Variants in PXN observed in about 807,000 individuals in gnomAD.
The protein encoded by PXN is testicular tissue protein Li 134.
In PXN, 61 loss-of-function variants were observed where a neutral mutation model predicts 103.6. The observed-to-expected ratio is 0.59, with a 90% CI of 0.48 to 0.73. The LOEUF is 0.73. PXN is among the 30% of genes least tolerant of loss of function. The pLI, the probability that PXN is intolerant of heterozygous loss-of-function variation, is 0.00. For synonymous variants in PXN, 562 were observed against 607.8 expected (o/e 0.92, Z 1.11); for missense variants, 1,274 against 1,460.3 (o/e 0.87, Z 2.08).
chr12:120,262,815 C>T (rs1894080435), intron 1 of PXN, among the ~76,000 whole-genome samples: 1 of 152,128 alleles, frequency 6.6e-6, no homozygotes, highest in African/African-American at 2.4e-5. Flanking sequence ...CTGGGCCAAA[C>T]CAGCATCTAA....
At chr12:120,235,433 G>A (rs1022633786) in intron 1 of PXN, among the ~76,000 whole-genome samples, 2 of 152,162 alleles carry the variant, frequency 1.3e-5, no homozygotes, top group South Asian at 4.2e-4. Flanking sequence ...ACCCAGAGCC[G>A]CCCCATAAGG....
rs1882805812 is a variant in PXN, at chr12:120,215,959, G to C, written c.2302-298C>G. ...CGCTGGGCCTGGGGGCTGGAAGGGA[G>C]GAGACAGGTTTCTGGTCTCCCTTCT... On this transcript the variant is annotated intron_variant, in intron 9 of 14. Coordinates refer to ENST00000637617, the MANE Select transcript of PXN (RefSeq NM_001385981.1). This position sits in a 1 kb window ranked among gnomAD's most constrained non-coding sequence, Gnocchi z 4.9. 7.2e-7 allele frequency: 1 copy of C among 1,385,076 alleles called. No individual in the cohort carries two copies. The highest frequency in any genetic ancestry group is 9.3e-7 in the Non-Finnish European group (1 of 1,070,474). The allele number at this position is 1,385,076 out of a possible 1,614,324, so 85.8% of individuals were successfully genotyped here. A position where few individuals can be genotyped will look rare whatever the true frequency, so the allele number is the denominator to read the frequency against.
At chr12:120,256,698 T>A (rs1893067409) in intron 1 of PXN, among the ~76,000 whole-genome samples, 1 of 152,110 alleles carries the variant, frequency 6.6e-6, no homozygotes, top group African/African-American at 2.4e-5. Flanking sequence ...CATAGCCTGC[T>A]TTCAATAGGG....
chr12:120,219,927 A>G lies in PXN; in HGVS notation c.996T>C (p.Cys332=). ...RGQGHTPEFP[C]TEQSGRGLLP... is the part of the protein sequence containing the mutation. Reference sequence around the variant, plus strand: ...GAAGGCCTCGTCCACTCTGCTCAGTACAAGGGAACTCCGGAGTGTGGCCCT... The same window carrying G: ...GAAGGCCTCGTCCACTCTGCTCAGTGCAAGGGAACTCCGGAGTGTGGCCCT... Residue 332 remains cysteine, a synonymous_variant, in exon 7 of 15, where the codon TGT becomes TGC. Coordinates refer to ENST00000637617, the MANE Select transcript of PXN (RefSeq NM_001385981.1). The surrounding 1 kb of genome is among the most constrained non-coding windows in gnomAD (Gnocchi z 6.5). 3 of 1,597,830 alleles carry G rather than the reference A, an allele frequency of 1.9e-6. No individual in the cohort carries two copies. Among genetic ancestry groups the G allele is most frequent in the Non-Finnish European group, 2.5e-6 (3 of 1,179,262 alleles).
In PXN at chr12:120,224,150, C is replaced by A; in HGVS notation, c.240+1G>T. On this transcript the variant is annotated splice_donor_variant, in intron 2 of 14. Coordinates refer to ENST00000637617, the MANE Select transcript of PXN (RefSeq NM_001385981.1). LOFTEE classifies it high-confidence loss of function. The surrounding 1 kb of genome is among the most constrained non-coding windows in gnomAD (Gnocchi z 5.0). ...CTTCCCAGCCACTGTCCCCGCCTCA[C>A]CTGCTGGTGGATGAATCGGGAGCTG... The A allele has an allele frequency of 1.9e-6, 3 of 1,567,338 alleles. No individual in the cohort carries two copies. The highest frequency in any genetic ancestry group is 2.6e-6 in the Non-Finnish European group (3 of 1,154,790).
At position 120,216,460 on chromosome 12, in the gene PXN, G is replaced by C. The variant is rs902767711; in HGVS notation, c.2114C>G (p.Pro705Arg). 2.2e-6 allele frequency: 3 copies of C among 1,384,208 alleles called. No individual in the cohort carries two copies. In the Admixed American group the frequency reaches 1.1e-4, roughly 50 times the overall value. 85.7% of individuals were successfully genotyped at this position (1,384,208 alleles called of 1,614,324 possible). Residue 705 changes from proline to arginine, a missense_variant, in exon 9 of 15, where the codon CCC becomes CGC. Physicochemically the swap from Pro to Arg is moderately radical, Grantham distance 103. Coordinates refer to ENST00000637617, the MANE Select transcript of PXN (RefSeq NM_001385981.1). The surrounding 1 kb of genome is among the most constrained non-coding windows in gnomAD (Gnocchi z 5.1). ...CAGGGGGGAGGAGGCGAGCAGGCTGGGCAGGGGAGAAGAGCTGCTGGCCGC... is the reference window on the plus strand; with the variant it reads ...CAGGGGGGAGGAGGCGAGCAGGCTGCGCAGGGGAGAAGAGCTGCTGGCCGC... ...DAAASSSSPLPSLLASSPLGP... is the reference protein window; with the variant it reads ...DAAASSSSPLRSLLASSPLGP...
At chr12:120,260,860 G>A (rs914988022) in intron 1 of PXN, among the ~76,000 whole-genome samples, 6 of 152,134 alleles carry the variant, frequency 3.9e-5, no homozygotes, top group African/African-American at 9.7e-5. Context: ...CTAGCTACTC[G>A]GGAGGCTGAG....
rs1887484644 is a variant in PXN at position 120,229,034 on chromosome 12, TCC to T, written c.14-4659_14-4658del. 6.6e-6 allele frequency among the ~76,000 whole-genome samples: 1 copy of T among 152,048 alleles called. No individual in the cohort carries two copies. Among genetic ancestry groups the T allele is most frequent in the South Asian group, 2.1e-4 (1 of 4,828 alleles). On this transcript the variant is annotated intron_variant, in intron 1 of 14. Transcript: ENST00000637617. The surrounding 1 kb of genome is among the most constrained non-coding windows in gnomAD (Gnocchi z 4.0). ...GGTACAGACACCCTCAGCCCACTGC[TCC>T]GAGGAGGAGGGGACCGGTTCGCCTG...
chr12:120,255,178 G>A (rs750285241), intron 1 of PXN, among the ~76,000 whole-genome samples: 2 of 152,192 alleles, frequency 1.3e-5, no homozygotes, highest in Non-Finnish European at 2.9e-5. Flanking sequence ...TTAACTGACC[G>A]AGGTGCATAG....
chr12:120,230,440 T>C (rs911256497), intron 1 of PXN, among the ~76,000 whole-genome samples: 1 of 152,138 alleles, frequency 6.6e-6, no homozygotes, highest in Non-Finnish European at 1.5e-5. Context: ...GCTCTGAGTG[T>C]CAGAGAAGCT....
intron 1 of PXN, among the ~76,000 whole-genome samples, chr12:120,258,860 G>A (rs906904963): frequency 6.6e-6 from 1 of 151,866 alleles, no homozygotes; most frequent in Non-Finnish European, 1.5e-5. Context: ...GGGAGTTTGA[G>A]ACCAGCCTGA....
chr12:120,243,934 T>C (rs1890600509), intron 1 of PXN, among the ~76,000 whole-genome samples: 1 of 152,006 alleles, frequency 6.6e-6, no homozygotes, highest in South Asian at 2.1e-4. Flanking sequence ...ATCTGAGCAT[T>C]GGGCAGAGCC....
chr12:120,235,489 TTCCCAGGATGC>T (rs1888865887), intron 1 of PXN, among the ~76,000 whole-genome samples: 2 of 152,218 alleles, frequency 1.3e-5, no homozygotes, highest in South Asian at 4.1e-4. Context: ...ACCCATGTTC[TTCCCAGGATGC>T]CCCACAAGGA....
In PXN at chr12:120,225,078, C is replaced by G. The variant is rs1257119389; in HGVS notation, c.14-701G>C. On this transcript the variant is annotated intron_variant, in intron 1 of 14. Coordinates refer to ENST00000637617, the MANE Select transcript of PXN (RefSeq NM_001385981.1). The surrounding 1 kb of genome is among the most constrained non-coding windows in gnomAD (Gnocchi z 4.4). ...CCCGGCCCCAGAGGCTCCAGGCCCC[C>G]ACTGTTCTGCTTTTAACAGCGGCAA... 3 of 248,642 alleles carry G rather than the reference C, an allele frequency of 1.2e-5. No individual in the cohort carries two copies. Among genetic ancestry groups the G allele is most frequent in the South Asian group, 4.4e-5 (1 of 22,976 alleles). The allele number at this position is 248,642 out of a possible 1,614,324, so 15.4% of individuals were successfully genotyped here.
chr12:120,234,797 T>C (rs1438471143), intron 1 of PXN, among the ~76,000 whole-genome samples: 1 of 152,082 alleles, frequency 6.6e-6, no homozygotes, highest in African/African-American at 2.4e-5. Context: ...TGGGATAAAA[T>C]AAACGTAAGC....
Position 120,214,344 on chromosome 12 carries a change from G to A in PXN, c.2749-127C>T. 1 of 788,224 alleles carries A rather than the reference G, an allele frequency of 1.3e-6. No individual in the cohort carries two copies. 48.8% of individuals were successfully genotyped at this position (788,224 alleles called of 1,614,324 possible). A position where few individuals can be genotyped will look rare whatever the true frequency, so the allele number is the denominator to read the frequency against. On this transcript the variant is annotated intron_variant, in intron 12 of 14. Coordinates refer to ENST00000637617, the MANE Select transcript of PXN (RefSeq NM_001385981.1). The surrounding 1 kb of genome is among the most constrained non-coding windows in gnomAD (Gnocchi z 5.0). ...CAGAGCAAAACACTCCCAAGATGGGGGTCTCTCCTAATTGTGCTGTGAATG... is the reference window on the plus strand; with the variant it reads ...CAGAGCAAAACACTCCCAAGATGGGAGTCTCTCCTAATTGTGCTGTGAATG...
chr12:120,242,383 C>G (rs1000327725), intron 1 of PXN, among the ~76,000 whole-genome samples: 10 of 152,150 alleles, frequency 6.6e-5, no homozygotes, highest in Non-Finnish European at 8.8e-5. Flanking sequence ...AGCCCCATCT[C>G]TGACAGCCGT....
chr12:120,242,645 C>A (rs755515232), intron 1 of PXN, among the ~76,000 whole-genome samples: 1 of 151,796 alleles, frequency 6.6e-6, no homozygotes, highest in East Asian at 1.9e-4. Flanking sequence ...CAGCACTTTG[C>A]GAGGCAGAGG....
At chr12:120,249,338 G>GAT (rs1212183649) in intron 1 of PXN, among the ~76,000 whole-genome samples, 1 of 152,080 alleles carries the variant, frequency 6.6e-6, no homozygotes, top group Non-Finnish European at 1.5e-5. Context: ...AGGACTCTAA[G>GAT]AAAGAATGGA....
Sources: allele counts gnomAD v4.1 joint callset (sites outside exome capture counted in the v4.1 genomes callset), GRCh38; gene constraint gnomAD v4.1.1; non-coding constraint Gnocchi (gnomAD v3.1); transcripts MANE v1.5; gene names NCBI Gene and HGNC (gene_info 2026-07-23, HGNC 2026-07-21).